The following KTN1 variants were observed in gnomAD, a reference collection of about 807,000 sequenced individuals.
KTN1 encodes the protein kinectin 1.
KTN1 carries 130 observed loss-of-function variants against 222.5 expected under a neutral mutation model. That is an observed-to-expected ratio of 0.58 (90% CI 0.51 to 0.68). The LOEUF is 0.68. Among genes scored for constraint, KTN1 ranks in the 30% least tolerant of loss-of-function variants. The pLI, the probability that KTN1 is intolerant of heterozygous loss-of-function variation, is 0.00. For missense variants in KTN1, 1,508 were observed against 1,500.4 expected, an observed-to-expected ratio of 1.01 and a Z score of -0.08; for synonymous variants, 512 against 496.3, an observed-to-expected ratio of 1.03 and a Z score of -0.42.
At chr14:55,672,839 A>T in intron 38 of KTN1, 90 bp from the exon 39 acceptor site, 1 of 1,131,548 alleles carries the variant, frequency 8.8e-7, no homozygotes, top group Non-Finnish European at 1.3e-6. Flanking sequence ...ATATAGTTTT[A>T]TATTCATAAG....
At chr14:55,586,471 A>G (rs2033027620) in intron 1 of KTN1, among the ~76,000 whole-genome samples, 1 of 152,168 alleles carries the variant, frequency 6.6e-6, no homozygotes, top group South Asian at 2.1e-4. Flanking sequence ...GGTAGGTACT[A>G]TTTGGTGAAA....
At chr14:55,586,903 T>C (rs1352186454) in intron 1 of KTN1, among the ~76,000 whole-genome samples, 1 of 152,208 alleles carries the variant, frequency 6.6e-6, no homozygotes, top group African/African-American at 2.4e-5. Flanking sequence ...GTTACTCTTG[T>C]GTGATCTTAT....
intron 1 of KTN1, among the ~76,000 whole-genome samples, chr14:55,589,159 GC>G (rs2033616290): frequency 6.6e-6 from 1 of 152,146 alleles, no homozygotes; most frequent in Admixed American, 6.5e-5. Context: ...AGTGATGAAA[GC>G]CGAATTTTTG....
chr14:55,654,022 A>G (rs535705291), intron 28 of KTN1, among the ~76,000 whole-genome samples: 7 of 152,278 alleles, frequency 4.6e-5, no homozygotes, highest in African/African-American at 1.7e-4. Flanking sequence ...CTGTAATTTT[A>G]ATTTATTTAT....
intron 40 of KTN1, chr14:55,674,205 T>C (rs2141348071): frequency 6.6e-6 from 1 of 152,226 alleles, no homozygotes; most frequent in South Asian, 2.1e-4. Flanking sequence ...TAGAGCGGTA[T>C]GAAATACAGG....
chr14:55,678,454 T>G lies in KTN1; in HGVS notation c.3948+10T>G, dbSNP rs757608027. ...TGTTTCCCCAGAAACGGTATGTATT[T>G]TCTTCATCCCCAGATCTCTGAGCTA... On this transcript the variant is annotated intron_variant, in intron 42 of 43. Coordinates refer to ENST00000395314, the MANE Select transcript of KTN1 (RefSeq NM_001079521.2). 6.5e-7 allele frequency: 1 copy of G among 1,536,096 alleles called. No individual in the cohort carries two copies. Among genetic ancestry groups the G allele is most frequent in the South Asian group, 1.1e-5 (1 of 89,622 alleles).
At chr14:55,667,182 C>T in intron 33 of KTN1, 59 bp from the exon 34 acceptor site, 5 of 1,121,046 alleles carry the variant, frequency 4.5e-6, no homozygotes, top group East Asian at 2.5e-5. Context: ...TTTTTCTTTT[C>T]TTTTTTTAAA....
chr14:55,667,534 T>A, intron 34 of KTN1: 1 of 333,068 alleles, frequency 3.0e-6, no homozygotes. Flanking sequence ...TTCTATAAAA[T>A]TTTATATATG....
intron 15 of KTN1, 108 bp from the exon 16 acceptor site, chr14:55,640,825 C>G (rs2041720242): frequency 2.7e-5 from 24 of 891,566 alleles, no homozygotes; most frequent in Non-Finnish European, 4.3e-5. Context: ...ATTGCTGTAA[C>G]TTCAAATATA....
chr14:55,651,289 T>A lies in KTN1; in HGVS notation c.2566-601T>A, dbSNP rs1249057052. 6 of 455,984 alleles carry A rather than the reference T, an allele frequency of 1.3e-5. 1 individual carries two copies. In the East Asian group the frequency reaches 2.8e-4, roughly 21 times the overall value. 28.2% of individuals were successfully genotyped at this position (455,984 alleles called of 1,614,324 possible). A position where few individuals can be genotyped will look rare whatever the true frequency, so the allele number is the denominator to read the frequency against. ...AAGATCATACTTTTCTAATATAGAT[T>A]GAGAGTTCAGGAAAGTCTTCTCCTG... On this transcript the variant is annotated intron_variant, in intron 24 of 43. Transcript: ENST00000395314.
chr14:55,630,996 C>G (rs2040439271), intron 7 of KTN1, among the ~76,000 whole-genome samples: 1 of 152,084 alleles, frequency 6.6e-6, no homozygotes, highest in Non-Finnish European at 1.5e-5. Context: ...TCTGTTGTTG[C>G]TTCCTACCCT....
chr14:55,638,363 TTATAAATAATA>T (rs1367493748), intron 12 of KTN1, among the ~76,000 whole-genome samples: 26 of 151,944 alleles, frequency 1.7e-4, no homozygotes, highest in African/African-American at 6.3e-4. Context: ...ATACATGTCT[TTATAAATAATA>T]TAAAGAAAAT....
intron 1 of KTN1, among the ~76,000 whole-genome samples, chr14:55,609,860 T>C (rs111707596): frequency 6.6e-6 from 1 of 151,870 alleles, no homozygotes; most frequent in African/African-American, 2.4e-5. Flanking sequence ...GAATAGGCTG[T>C]GTATTCTATG....
intron 43 of KTN1, chr14:55,681,494 T>G (rs2046362610): frequency 6.6e-6 from 1 of 152,262 alleles, no homozygotes; most frequent in Non-Finnish European, 1.5e-5. Context: ...CATTGCCACA[T>G]TTGTTTTAAT....
At chr14:55,647,108 G>A in intron 19 of KTN1, 101 bp downstream of exon 19, 1 of 777,932 alleles carries the variant, frequency 1.3e-6, no homozygotes, top group Non-Finnish European at 2.2e-6. Flanking sequence ...TGTAATGGAA[G>A]AAATGTAGTA....
intron 1 of KTN1, among the ~76,000 whole-genome samples, chr14:55,603,737 A>G (rs554363281): frequency 1.3e-5 from 2 of 152,246 alleles, no homozygotes; most frequent in South Asian, 2.1e-4. Flanking sequence ...GACAACTCTT[A>G]TTTAGCTGTC....
chr14:55,682,107 TA>T (rs1333603010), intron 43 of KTN1: 1 of 152,206 alleles, frequency 6.6e-6, no homozygotes, highest in East Asian at 1.9e-4. Flanking sequence ...GAGTTGTTTT[TA>T]AAAACAAATA....
chr14:55,598,748 A>T (rs138871292), intron 1 of KTN1, among the ~76,000 whole-genome samples: 3 of 152,226 alleles, frequency 2.0e-5, no homozygotes, highest in Non-Finnish European at 4.4e-5. Flanking sequence ...ATGTAAGTCT[A>T]AATTTTTCGG....
chr14:55,659,927 G>T (rs1050852145), intron 31 of KTN1, among the ~76,000 whole-genome samples: 3 of 151,952 alleles, frequency 2.0e-5, no homozygotes, highest in African/African-American at 7.3e-5. Flanking sequence ...GTTTGTTTTT[G>T]TTTTTTTAGG....
Sources: gnomAD v4.1 joint callset for allele counts (sites outside exome capture counted in the v4.1 genomes callset) on GRCh38, gnomAD v4.1.1 for gene constraint, MANE v1.5 for transcripts, NCBI Gene and HGNC (gene_info 2026-07-23, HGNC 2026-07-21) for gene names.